CDC123: variants seen among roughly 807,000 people sequenced by gnomAD.
CDC123 encodes cell division cycle 123.
A neutral mutation model predicts 54.4 loss-of-function variants in CDC123; 37 were observed. The ratio of observed to expected loss-of-function variants is 0.68; its 90% CI spans 0.52 to 0.89. The LOEUF is 0.89. CDC123 is among the 40% of genes least tolerant of loss of function. The pLI is 0.00. For missense variants in CDC123, 361 were observed against 412.1 expected (o/e 0.88, Z 1.07); for synonymous variants, 144 against 136.8 (o/e 1.05, Z -0.37).
At chr10:12,244,394 C>T (rs1055358038) in intron 10 of CDC123, among the ~76,000 whole-genome samples, 1 of 152,258 alleles carries the variant, frequency 6.6e-6, no homozygotes, top group Non-Finnish European at 1.5e-5. Flanking sequence ...CCATCCACTT[C>T]GTGTCAATAG....
chr10:12,208,291 G>A (rs911153054), intron 2 of CDC123, among the ~76,000 whole-genome samples: 2 of 152,152 alleles, frequency 1.3e-5, no homozygotes, highest in African/African-American at 4.8e-5. Context: ...GGCCAGAGTG[G>A]TGTTCTGAGT....
At chr10:12,209,594 G>A (rs548764273) in intron 2 of CDC123, among the ~76,000 whole-genome samples, 22 of 151,916 alleles carry the variant, frequency 1.4e-4, no homozygotes, top group Non-Finnish European at 2.8e-4. Context: ...AGTGTTTTAC[G>A]TTGTCACCCA....
intron 11 of CDC123, among the ~76,000 whole-genome samples, chr10:12,248,827 C>T (rs540133688): frequency 6.8e-6 from 1 of 147,440 alleles, no homozygotes; most frequent in African/African-American, 2.5e-5. Context: ...TTAGTTTTGG[C>T]AGCTGGGCAT....
At chr10:12,237,438 A>G in intron 9 of CDC123, 172 bp downstream of exon 9, 1 of 486,846 alleles carries the variant, frequency 2.1e-6, no homozygotes, top group Non-Finnish European at 3.1e-6. Context: ...TCTTTTTATT[A>G]TTATTATTTT....
chr10:12,238,580 T>C, intron 10 of CDC123, 95 bp downstream of exon 10: 1 of 1,456,534 alleles, frequency 6.9e-7, no homozygotes. Context: ...GGATCCATGC[T>C]CAAAAAATAT....
intron 2 of CDC123, among the ~76,000 whole-genome samples, chr10:12,207,282 A>G (rs1835535756): frequency 6.6e-6 from 1 of 151,994 alleles, no homozygotes; most frequent in African/African-American, 2.4e-5. Flanking sequence ...GAATTTTAAA[A>G]TTTCAACTAT....
chr10:12,226,461 G>A (rs966049665), intron 6 of CDC123, among the ~76,000 whole-genome samples: 1 of 151,966 alleles, frequency 6.6e-6, no homozygotes, highest in South Asian at 2.1e-4. Flanking sequence ...CTTCCCAGAC[G>A]GGGCGGCTGC....
Position 12,237,141 on chromosome 10 carries a change from C to T in CDC123, c.566-3C>T. 2 of 1,521,068 alleles carry T rather than the reference C, an allele frequency of 1.3e-6. No individual in the cohort carries two copies. The highest frequency in any genetic ancestry group is 1.8e-6 in the Non-Finnish European group (2 of 1,140,884). The allele number at this position is 1,521,068 out of a possible 1,614,324, so 94.2% of individuals were successfully genotyped here. A position where few individuals can be genotyped will look rare whatever the true frequency, so the allele number is the denominator to read the frequency against. On this transcript the variant is annotated splice_region_variant and splice_polypyrimidine_tract_variant and intron_variant, in intron 8 of 12. Coordinates refer to ENST00000281141, the MANE Select transcript of CDC123 (RefSeq NM_006023.3). ...AACAGGATGTAAAATATTTTCTTGT[C>T]AGGTATTTCTCAAAGAGACTACACA...
rs1836133435 is a variant in CDC123 at position 12,246,157 on chromosome 10, G to A, written c.726G>A (p.Val242=). Residue 242 remains valine, a synonymous_variant, in exon 11 of 13, where the codon GTG becomes GTA. Coordinates refer to ENST00000281141, the MANE Select transcript of CDC123 (RefSeq NM_006023.3). ...FDIYRDSRGK[V]WLIDFNPFGE... is the part of the protein sequence containing the mutation. Reference sequence around the variant, plus strand: ...CTCTCTCTGTGCTACAGGGGAAGGTGTGGCTCATTGACTTTAATCCATTTG... The same window carrying A: ...CTCTCTCTGTGCTACAGGGGAAGGTATGGCTCATTGACTTTAATCCATTTG... 4 of 1,613,978 alleles carry A rather than the reference G, an allele frequency of 2.5e-6. No individual in the cohort carries two copies. The highest frequency in any genetic ancestry group is 2.5e-6 in the Non-Finnish European group (3 of 1,179,898).
intron 11 of CDC123, among the ~76,000 whole-genome samples, chr10:12,248,836 A>G: frequency 6.7e-6 from 1 of 149,582 alleles, no homozygotes; most frequent in Non-Finnish European, 1.5e-5. Flanking sequence ...GCAGCTGGGC[A>G]TGGTGGTTCA....
intron 4 of CDC123, 30 bp from the exon 5 acceptor site, chr10:12,215,710 C>A: frequency 2.2e-6 from 3 of 1,337,578 alleles, no homozygotes; most frequent in Non-Finnish European, 3.2e-6. Context: ...ATGATATTGA[C>A]GTGCCCAATG....
intron 4 of CDC123, among the ~76,000 whole-genome samples, chr10:12,213,709 C>T (rs144230115): frequency 3.3e-5 from 5 of 151,872 alleles, no homozygotes; most frequent in African/African-American, 7.3e-5. Context: ...CTCTTTAATG[C>T]GTGTTGAAGA....
intron 6 of CDC123, among the ~76,000 whole-genome samples, chr10:12,228,632 G>A (rs547851132): frequency 1.1e-4 from 16 of 152,186 alleles, no homozygotes; most frequent in Admixed American, 2.0e-4. Flanking sequence ...GTGCAACGGC[G>A]CGATCTTGGC....
At chr10:12,236,426 C>G (rs1167212476) in intron 8 of CDC123, among the ~76,000 whole-genome samples, 1 of 152,010 alleles carries the variant, frequency 6.6e-6, no homozygotes, top group Non-Finnish European at 1.5e-5. Flanking sequence ...TACTGAGACC[C>G]CGTCTCTACA....
intron 6 of CDC123, among the ~76,000 whole-genome samples, chr10:12,221,789 A>T (rs57516953): frequency 0.024 from 3,645 of 149,988 alleles, 144 homozygotes; most frequent in African/African-American, 0.085. Context: ...TTATTTATTT[A>T]TTTTTTATTT....
chr10:12,203,001 C>T (rs1189181136), intron 2 of CDC123, among the ~76,000 whole-genome samples: 4 of 152,284 alleles, frequency 2.6e-5, no homozygotes, highest in South Asian at 2.1e-4. Context: ...GGCGACAGAG[C>T]GAGACTCCGT....
chr10:12,239,870 T>C (rs1347163550), intron 10 of CDC123, among the ~76,000 whole-genome samples: 4 of 151,424 alleles, frequency 2.6e-5, no homozygotes, highest in Admixed American at 2.6e-4. Context: ...TAGCCGGGTG[T>C]GTTGGCGGGC....
chr10:12,208,783 T>G (rs1835554814), intron 2 of CDC123, among the ~76,000 whole-genome samples: 1 of 152,188 alleles, frequency 6.6e-6, no homozygotes, highest in South Asian at 2.1e-4. Context: ...TTTGCTTTCT[T>G]CTGCTCCCGC....
chr10:12,234,998 A>G (rs1835959971), intron 7 of CDC123, 50 bp from the exon 8 acceptor site: 1 of 1,396,566 alleles, frequency 7.2e-7, no homozygotes, highest in Non-Finnish European at 1.0e-6. Context: ...TGCCTAGTAG[A>G]CCTTACCACA....
Sources: gnomAD v4.1 joint callset for allele counts (sites outside exome capture counted in the v4.1 genomes callset) on GRCh38, gnomAD v4.1.1 for gene constraint, MANE v1.5 for transcripts, NCBI Gene and HGNC (gene_info 2026-07-23, HGNC 2026-07-21) for gene names.